The following ADRA1B variants were observed in gnomAD, a reference collection of about 807,000 sequenced individuals.
ADRA1B encodes the protein adrenoceptor alpha 1B.
A neutral mutation model predicts 17.9 loss-of-function variants in ADRA1B; 17 were observed. The ratio of observed to expected loss-of-function variants is 0.95; its 90% CI spans 0.65 to 1.42. The LOEUF is 1.42. Among genes scored for constraint, ADRA1B ranks in the 40% most tolerant of loss-of-function variants. The probability of loss-of-function intolerance (pLI) is 0.00; values close to 1 mark genes in which losing one functional copy is unlikely to be tolerated. For synonymous variants in ADRA1B, 366 were observed against 327.6 expected (o/e 1.12, Z -1.27); for missense variants, 681 against 722.1 (o/e 0.94, Z 0.65).
At chr5:159,966,018 G>A (rs762919695) in intron 1 of ADRA1B, among the ~76,000 whole-genome samples, 18 of 151,886 alleles carry the variant, frequency 1.2e-4, no homozygotes, top group Non-Finnish European at 2.1e-4. Flanking sequence ...CAGGTAATCC[G>A]CCCTCCTTGG....
At chr5:159,947,250 G>A (rs371299631) in intron 1 of ADRA1B, among the ~76,000 whole-genome samples, 1 of 152,086 alleles carries the variant, frequency 6.6e-6, no homozygotes, top group South Asian at 2.1e-4. Context: ...CTGAGGCAGG[G>A]AGAATTGCTT....
chr5:159,923,146 G>C (rs1001879932), intron 1 of ADRA1B, among the ~76,000 whole-genome samples: 2 of 152,282 alleles, frequency 1.3e-5, no homozygotes, highest in African/African-American at 4.8e-5. Context: ...GAATTAGAAG[G>C]GAGGCAGGTG....
chr5:159,917,567 T>C lies in ADRA1B; in HGVS notation c.662T>C (p.Val221Ala), dbSNP rs767897511. The change falls in exon 1 of 2, where the codon GTC becomes GCC. Residue 221 changes from valine (V) to alanine (A), a missense_variant. By Grantham distance (64) the Val-to-Ala change is moderately conservative. Around this residue, in one of 3 missense-constraint regions of ADRA1B, gnomAD observed 424 missense variants for 480.2 expected, o/e 0.88. Coordinates refer to ENST00000306675, the MANE Select transcript of ADRA1B (RefSeq NM_000679.4). ...TACATCCCTCTGGCGGTCATTCTAG[T>C]CATGTACTGCCGTGTCTATATAGTG... Reference protein sequence around the residue: ...SFYIPLAVILVMYCRVYIVAK... With the variant: ...SFYIPLAVILAMYCRVYIVAK... The C allele has an allele frequency of 1.2e-6, 2 of 1,613,942 alleles. No homozygotes were observed. The highest frequency in any genetic ancestry group is 3.3e-5 in the Admixed American group (2 of 60,002).
chr5:159,887,196 C>A (rs1035591600), intron 1 of ADRA1B, among the ~76,000 whole-genome samples: 2 of 152,166 alleles, frequency 1.3e-5, no homozygotes, highest in African/African-American at 4.8e-5. Context: ...GAGCTTTAAC[C>A]AAACAATCAA....
chr5:159,931,716 CA>C (rs1414671318), intron 1 of ADRA1B, among the ~76,000 whole-genome samples: 1 of 152,180 alleles, frequency 6.6e-6, no homozygotes, highest in African/African-American at 2.4e-5. Context: ...AGTCCAAGAT[CA>C]AGGAGCAAGA....
chr5:159,941,318 G>A (rs1038450942), intron 1 of ADRA1B, among the ~76,000 whole-genome samples: 4 of 152,162 alleles, frequency 2.6e-5, no homozygotes, highest in African/African-American at 9.7e-5. Flanking sequence ...ACAGTGCTGA[G>A]GTGTTTTTCA....
chr5:159,972,228 C>A lies in ADRA1B; in HGVS notation c.1299C>A (p.Arg433=). 1 of 1,336,886 alleles carries A rather than the reference C, an allele frequency of 7.5e-7. No individual in the cohort carries two copies. The highest frequency in any genetic ancestry group is 9.6e-7 in the Non-Finnish European group (1 of 1,041,396). 82.8% of individuals were successfully genotyped at this position (1,336,886 alleles called of 1,614,324 possible). A position where few individuals can be genotyped will look rare whatever the true frequency, so the allele number is the denominator to read the frequency against. ...SASPSPGYLG[R]GAPPPVELCA... ...CGCCGAGCCCGGGCTACCTGGGCCG[C>A]GGCGCGCCACCGCCAGTCGAGCTGT... Residue 433 remains arginine (R), a synonymous_variant, in exon 2 of 2, where the codon CGC becomes CGA. Coordinates refer to ENST00000306675, the MANE Select transcript of ADRA1B (RefSeq NM_000679.4).
At chr5:159,865,628 C>T (rs1420251522) in intron 1 of ADRA1B, among the ~76,000 whole-genome samples, 1 of 152,192 alleles carries the variant, frequency 6.6e-6, no homozygotes, top group Non-Finnish European at 1.5e-5. Context: ...GCTGTAGTAG[C>T]GGCATTTTTG....
the ADRA1B span, among the ~76,000 whole-genome samples, chr5:159,985,469 T>A: frequency 1.3e-5 from 2 of 152,246 alleles, no homozygotes; most frequent in African/African-American, 4.8e-5. Flanking sequence ...GATGTCTTAA[T>A]ATCTGGTCTC....
At chr5:159,897,467 C>G (rs1260281009) in intron 1 of ADRA1B, among the ~76,000 whole-genome samples, 2 of 151,322 alleles carry the variant, frequency 1.3e-5, no homozygotes, top group African/African-American at 2.4e-5. Context: ...GCCTGGGTGA[C>G]AGAGTGAGAC....
At chr5:159,890,046 G>C (rs911960691) in intron 1 of ADRA1B, among the ~76,000 whole-genome samples, 2 of 152,208 alleles carry the variant, frequency 1.3e-5, no homozygotes, top group African/African-American at 4.8e-5. Flanking sequence ...CCAGCATCCA[G>C]AGGTGTAAGA....
chr5:159,891,420 G>C (rs1282082845), intron 1 of ADRA1B, among the ~76,000 whole-genome samples: 1 of 152,126 alleles, frequency 6.6e-6, no homozygotes, highest in Non-Finnish European at 1.5e-5. Flanking sequence ...CAGCCCCTCA[G>C]GGACTGACAC....
intron 1 of ADRA1B, among the ~76,000 whole-genome samples, chr5:159,903,526 T>C (rs918056221): frequency 6.6e-6 from 1 of 152,214 alleles, no homozygotes; most frequent in Non-Finnish European, 1.5e-5. Flanking sequence ...ATGAGGAAAC[T>C]GGACTCAGTG....
At chr5:159,961,842 G>T (rs1755668647) in intron 1 of ADRA1B, among the ~76,000 whole-genome samples, 1 of 152,200 alleles carries the variant, frequency 6.6e-6, no homozygotes, top group Non-Finnish European at 1.5e-5. Flanking sequence ...GCATTTTGTA[G>T]ACCAGATAAA....
chr5:159,871,476 G>T (rs1753738782), intron 1 of ADRA1B: 1 of 152,294 alleles, frequency 6.6e-6, no homozygotes, highest in East Asian at 1.9e-4. Flanking sequence ...GGCTCTACAA[G>T]AGATTCCATC....
Position 159,972,028 on chromosome 5 carries a change from T to C in ADRA1B, c.1099T>C (p.Cys367Arg), listed in dbSNP as rs1161576752. Residue 367 changes from cysteine to arginine, a missense_variant, in exon 2 of 2, where the codon TGC (cysteine) becomes CGC (arginine). Cys to Arg is a radical substitution (Grantham distance 180, BLOSUM62 -3). Around this residue, in one of 3 missense-constraint regions of ADRA1B, gnomAD observed 424 missense variants for 480.2 expected, o/e 0.88. Transcript: ENST00000306675. ...TTTCGTGCGCATCCTCGGGTGCCAG[T>C]GCCGCGGCCGCGGCCGCCGCCGACG... is the stretch of plus-strand genomic sequence containing the variant. ...RAFVRILGCQ[C>R]RGRGRRRRRR... 1 of 1,325,630 alleles carries C rather than the reference T, an allele frequency of 7.5e-7. No homozygotes were observed. The highest frequency in any genetic ancestry group is 1.6e-5 in the African/African-American group (1 of 64,298). 82.1% of individuals were successfully genotyped at this position (1,325,630 alleles called of 1,614,324 possible). A position where few individuals can be genotyped will look rare whatever the true frequency, so the allele number is the denominator to read the frequency against.
chr5:159,890,152 C>T (rs1030623463), intron 1 of ADRA1B, among the ~76,000 whole-genome samples: 2 of 152,182 alleles, frequency 1.3e-5, no homozygotes, highest in African/African-American at 4.8e-5. Context: ...TTTTCTGCCT[C>T]TCCCTCAAGG....
rs147426693 is a variant in ADRA1B, at chr5:159,948,511, C to T, written c.950-23368C>T. The T allele has an allele frequency of 4.2e-4, 403 of 962,414 alleles. 1 individual carries two copies. Among genetic ancestry groups the T allele is most frequent in the African/African-American group, 4.0e-3 (230 of 56,824 alleles). 59.6% of individuals were successfully genotyped at this position (962,414 alleles called of 1,614,324 possible). ...ACGTTTTATTACAAGAAGTTATATG[C>T]GTGTTTTCATTGTAGAAAATTTAAA... On this transcript the variant is annotated intron_variant, in intron 1 of 1. Transcript: ENST00000306675.
intron 1 of ADRA1B, among the ~76,000 whole-genome samples, chr5:159,941,818 AT>A (rs1755134335): frequency 6.6e-6 from 1 of 152,162 alleles, no homozygotes; most frequent in Non-Finnish European, 1.5e-5. Context: ...TTAAAACAAA[AT>A]GTCCAAAATA....
Sources: allele counts gnomAD v4.1 joint callset (sites outside exome capture counted in the v4.1 genomes callset), GRCh38; gene constraint gnomAD v4.1.1; regional missense constraint gnomAD v4.1.1; transcripts MANE v1.5; gene names NCBI Gene and HGNC (gene_info 2026-07-23, HGNC 2026-07-21).